The following ATP12A variants were observed in gnomAD, a reference collection of about 807,000 sequenced individuals.
The protein encoded by ATP12A is ATPase H+/K+ transporting non-gastric alpha2 subunit, also known as potassium-transporting ATPase alpha chain 2.
A neutral mutation model predicts 111.2 loss-of-function variants in ATP12A; 81 were observed. The observed-to-expected ratio is 0.73, with a 90% CI of 0.61 to 0.88. The LOEUF (loss-of-function observed/expected upper bound fraction) is 0.88, where lower values mean the gene tolerates loss of function less well. ATP12A is among the 40% of genes least tolerant of loss of function. The pLI is 0.00. For missense variants in ATP12A, 1,196 were observed against 1,313.1 expected (o/e 0.91, Z 1.38); for synonymous variants, 498 against 499.8 (o/e 1.00, Z 0.05).
In ATP12A at chr13:24,698,727, C is replaced by T. The variant is rs760696856; in HGVS notation, c.1582C>T (p.Arg528Cys). Residue 528 changes from arginine to cysteine, a missense_variant, in exon 12 of 23, where the codon CGC becomes TGC. Arg to Cys is a radical substitution (Grantham distance 180). Coordinates refer to ENST00000381946, the MANE Select transcript of ATP12A (RefSeq NM_001676.7). ...CATGGTGATGAAGGGGGCCCCTGAG[C>T]GCATCCTAGAGAAATGCAGCACCAT... The part of the protein sequence containing the change: ...FLMVMKGAPE[R>C]ILEKCSTIMI... 14 of 1,613,910 alleles carry T rather than the reference C, an allele frequency of 8.7e-6. No homozygotes were observed. The East Asian group carries it at 1.8e-4, about 21-fold the overall frequency.
chr13:24,680,464 C>G lies in ATP12A; in HGVS notation c.-280C>G. ...TCGGTCCCCCTCCCTGCGCGCGCGC[C>G]GGCGGGTTTCCTACCCTCCGAGGCG... On this transcript the variant is annotated 5_prime_UTR_variant, in exon 1 of 23. Coordinates refer to ENST00000381946, the MANE Select transcript of ATP12A (RefSeq NM_001676.7). The G allele has an allele frequency of 2.3e-6, 1 of 429,612 alleles. No individual in the cohort carries two copies. The highest frequency in any genetic ancestry group is 4.1e-5 in the South Asian group (1 of 24,110). 26.6% of individuals were successfully genotyped at this position (429,612 alleles called of 1,614,324 possible).
At chr13:24,682,037 T>TG (rs778650536) in intron 2 of ATP12A, among the ~76,000 whole-genome samples, 1 of 18,186 alleles carries the variant, frequency 5.5e-5, no homozygotes, top group African/African-American at 1.7e-4. Context: ...GTGGTGTGTG[T>TG]ATGTGTGTGG....
At chr13:24,692,145 G>A (rs1874929831) in intron 8 of ATP12A, among the ~76,000 whole-genome samples, 1 of 152,158 alleles carries the variant, frequency 6.6e-6, no homozygotes, top group South Asian at 2.1e-4. Flanking sequence ...CCACAGCAGC[G>A]TGTCCGTGTT....
chr13:24,709,527 G>A (rs1875867486), intron 18 of ATP12A, 40 bp downstream of exon 18: 1 of 1,604,880 alleles, frequency 6.2e-7, no homozygotes, highest in Non-Finnish European at 8.5e-7. Context: ...ACGAGGGCCT[G>A]CCCCGAGAAT....
chr13:24,681,895 G>T (rs1484150796), intron 2 of ATP12A, among the ~76,000 whole-genome samples, 175 bp downstream of exon 2: 2 of 144,168 alleles, frequency 1.4e-5, no homozygotes, highest in African/African-American at 5.1e-5. Context: ...TGTGTGTGGT[G>T]TATGTGTGGT....
At chr13:24,703,234 TTTTGTTTG>T (rs80317625) in intron 14 of ATP12A, among the ~76,000 whole-genome samples, 1 of 151,942 alleles carries the variant, frequency 6.6e-6, no homozygotes, top group South Asian at 2.1e-4. Flanking sequence ...TTTAAACAAA[TTTTGTTTG>T]TTTGTTTGTT....
chr13:24,680,861 C>G, intron 1 of ATP12A, 109 bp downstream of exon 1: 5 of 1,376,702 alleles, frequency 3.6e-6, no homozygotes, highest in Non-Finnish European at 4.7e-6. Flanking sequence ...AGAAACGCCC[C>G]GTCCCGGGGC....
intron 17 of ATP12A, among the ~76,000 whole-genome samples, chr13:24,708,481 T>C (rs1347761058): frequency 1.3e-5 from 2 of 151,954 alleles, no homozygotes; most frequent in Non-Finnish European, 2.9e-5. Context: ...GGTATTGAGG[T>C]CCCCAAAGTT....
In ATP12A at chr13:24,689,281, T is replaced by C; in HGVS notation, c.452T>C (p.Leu151Pro). Residue 151 changes from leucine (L) to proline (P), a missense_variant, in exon 5 of 23, where the codon CTT becomes CCT. Leu to Pro is a moderately conservative substitution (Grantham distance 98, BLOSUM62 -3). Coordinates refer to ENST00000381946, the MANE Select transcript of ATP12A (RefSeq NM_001676.7). ...ACCCAGGTGTACTTGGGCTGTGTGC[T>C]TGGTCTGGTGGTCATTTTAACGGGG... ...SLNNVYLGCVLGLVVILTGIF... is the reference protein window; with the variant it reads ...SLNNVYLGCVPGLVVILTGIF... 1 of 1,614,058 alleles carries C rather than the reference T, an allele frequency of 6.2e-7. No individual in the cohort carries two copies. The highest frequency in any genetic ancestry group is 1.7e-5 in the Admixed American group (1 of 60,024).
intron 14 of ATP12A, among the ~76,000 whole-genome samples, chr13:24,702,808 C>G (rs1028598991): frequency 6.6e-6 from 1 of 152,164 alleles, no homozygotes; most frequent in Admixed American, 6.5e-5. Flanking sequence ...AATGATGTGG[C>G]CAGTGTAATG....
intron 12 of ATP12A, among the ~76,000 whole-genome samples, chr13:24,700,194 G>T (rs909359649): frequency 2.0e-5 from 3 of 152,122 alleles, no homozygotes; most frequent in African/African-American, 7.2e-5. Context: ...CATTCCTGCT[G>T]GCCTTTCTCT....
chr13:24,689,188 G>A (rs1874777249), intron 4 of ATP12A, 74 bp from the exon 5 acceptor site: 1 of 1,179,712 alleles, frequency 8.5e-7, no homozygotes, highest in East Asian at 2.3e-5. Flanking sequence ...ATCCTCCCGT[G>A]GAGAGCTCTA....
At chr13:24,696,181 G>A (rs1263816849) in intron 11 of ATP12A, among the ~76,000 whole-genome samples, 4 of 152,016 alleles carry the variant, frequency 2.6e-5, no homozygotes, top group African/African-American at 4.8e-5. Context: ...TCATTCGCAC[G>A]ACAACACTGT....
chr13:24,710,931 C>A, intron 21 of ATP12A, 38 bp downstream of exon 21: 2 of 1,577,488 alleles, frequency 1.3e-6, no homozygotes, highest in Middle Eastern at 1.7e-4. Flanking sequence ...AAAGAGCCAG[C>A]CTCTGCTTTG....
At position 24,700,816 on chromosome 13, in the gene ATP12A, A is replaced by C; in HGVS notation, c.1775A>C (p.Asn592Thr). 1 of 1,614,146 alleles carries C rather than the reference A, an allele frequency of 6.2e-7. No individual in the cohort carries two copies. The highest frequency in any genetic ancestry group is 8.5e-7 in the Non-Finnish European group (1 of 1,180,034). ...ETYSFDIDAM[N>T]FPTSNLCFVG... ...TACTCATTTGACATAGACGCTATGA[A>C]CTTTCCGACCTCCAACCTCTGTTTT... The change falls in exon 13 of 23, where the codon AAC becomes ACC. Residue 592 changes from asparagine to threonine, a missense_variant. Asn to Thr is a moderately conservative substitution (Grantham distance 65). Transcript: ENST00000381946.
At position 24,711,565 on chromosome 13, in the gene ATP12A, C is replaced by CACTT; in HGVS notation, c.*44_*47dup. On this transcript the variant is annotated 3_prime_UTR_variant, in exon 23 of 23. Transcript: ENST00000381946. ...TGTCTCTCAGCAGCACGTTGGGGCA[C>CACTT]ACTTGTTCATCTTCTGACCGTTTGC... 6.2e-7 allele frequency: 1 copy of CACTT among 1,612,542 alleles called. No individual in the cohort carries two copies. The highest frequency in any genetic ancestry group is 8.5e-7 in the Non-Finnish European group (1 of 1,178,640).
chr13:24,699,850 T>C (rs916472843), intron 12 of ATP12A, among the ~76,000 whole-genome samples: 4 of 152,196 alleles, frequency 2.6e-5, no homozygotes, highest in Non-Finnish European at 4.4e-5. Flanking sequence ...TTAAACACCA[T>C]GGAAGTCCTC....
At chr13:24,690,804 C>A in intron 7 of ATP12A, 83 bp downstream of exon 7, 1 of 1,456,190 alleles carries the variant, frequency 6.9e-7, no homozygotes, top group South Asian at 1.3e-5. Context: ...CTTTGCCACA[C>A]CCCGTTACAA....
intron 17 of ATP12A, among the ~76,000 whole-genome samples, chr13:24,708,957 GAAA>G (rs1566078375): frequency 3.1e-4 from 39 of 127,646 alleles, no homozygotes; most frequent in African/African-American, 8.1e-4. Context: ...AAGAAAGAAA[GAAA>G]GAAGGAAAGA....
Sources: allele counts gnomAD v4.1 joint callset (sites outside exome capture counted in the v4.1 genomes callset), GRCh38; gene constraint gnomAD v4.1.1; transcripts MANE v1.5; gene names NCBI Gene and HGNC (gene_info 2026-07-23, HGNC 2026-07-21).